The following ALPK1 variants were observed in gnomAD, a reference collection of about 807,000 sequenced individuals.
The protein encoded by ALPK1 is alpha-protein kinase 1.
A neutral mutation model predicts 120.6 loss-of-function variants in ALPK1; 110 were observed. That is an observed-to-expected ratio of 0.91 (90% confidence interval 0.78 to 1.07). The LOEUF is 1.07. ALPK1 is among the 50% of genes least tolerant of loss of function. ALPK1 has a pLI of 0.00. For synonymous variants in ALPK1, 582 were observed against 560.3 expected, an observed-to-expected ratio of 1.04 and a Z score of -0.55; for missense variants, 1,498 against 1,483.9, an observed-to-expected ratio of 1.01 and a Z score of -0.16.
intron 3 of ALPK1, 111 bp downstream of exon 3, chr4:112,378,009 A>G: frequency 8.1e-7 from 1 of 1,239,320 alleles, no homozygotes; most frequent in African/African-American, 1.5e-5. Flanking sequence ...TTGGCAGATG[A>G]CCACCGAGAG....
intron 1 of ALPK1, among the ~76,000 whole-genome samples, chr4:112,311,807 G>A (rs572562013): frequency 3.3e-5 from 5 of 152,306 alleles, no homozygotes; most frequent in Admixed American, 3.3e-4. Flanking sequence ...CTTGGCTATC[G>A]GGGTTAGTTG....
chr4:112,358,333 C>G (rs1730743803), intron 2 of ALPK1: 3 of 597,074 alleles, frequency 5.0e-6, no homozygotes, highest in Non-Finnish European at 9.2e-6. Flanking sequence ...CCCAGTTCTT[C>G]CGTGTTGCTG....
intron 3 of ALPK1, among the ~76,000 whole-genome samples, chr4:112,379,236 C>A (rs77574288): frequency 0.04 from 6,095 of 152,240 alleles, 302 homozygotes; most frequent in African/African-American, 0.12. Flanking sequence ...TTTTTCTTCA[C>A]GAGTGCCACA....
intron 2 of ALPK1, among the ~76,000 whole-genome samples, chr4:112,317,089 T>C (rs1033847248): frequency 6.6e-6 from 1 of 152,196 alleles, no homozygotes; most frequent in Admixed American, 6.5e-5. Flanking sequence ...TTGGGTTGTT[T>C]GATTTTTTTG....
intron 5 of ALPK1, chr4:112,414,243 C>T (rs150622056): frequency 4.9e-5 from 24 of 485,368 alleles, no homozygotes; most frequent in African/African-American, 2.3e-4. Flanking sequence ...TCTGATCCAG[C>T]GCTTCCTGGT....
intron 5 of ALPK1, chr4:112,414,363 T>C: frequency 6.5e-6 from 3 of 460,814 alleles, no homozygotes; most frequent in South Asian, 1.5e-5. Flanking sequence ...TCCCAGCACT[T>C]TGGGAGGCCG....
intron 4 of ALPK1, chr4:112,382,892 C>G (rs1468058316): frequency 3.8e-6 from 1 of 264,750 alleles, no homozygotes; most frequent in African/African-American, 2.2e-5. Flanking sequence ...ATGCTACTTT[C>G]TAAAAGTTAG....
At chr4:112,384,343 G>T (rs145178588) in intron 4 of ALPK1, 29 of 152,348 alleles carry the variant, frequency 1.9e-4, no homozygotes, top group African/African-American at 7.0e-4. Flanking sequence ...ATTGATGATG[G>T]AAATGTTCTA....
intron 2 of ALPK1, chr4:112,358,109 G>A: frequency 1.7e-6 from 1 of 592,034 alleles, no homozygotes. Flanking sequence ...CGAGATGAAG[G>A]GCCAGGTTGG....
At chr4:112,352,578 T>C (rs1011151658) in intron 2 of ALPK1, 18 of 152,244 alleles carry the variant, frequency 1.2e-4, no homozygotes, top group Admixed American at 1.1e-3. Context: ...TAATACAATG[T>C]AAATGCTATG....
At chr4:112,358,054 C>G in intron 2 of ALPK1, 1 of 586,920 alleles carries the variant, frequency 1.7e-6, no homozygotes, top group Non-Finnish European at 3.2e-6. Context: ...TCATCACGGG[C>G]CTCCATAGCC....
rs1324965779 is a variant in ALPK1 at position 112,423,981 on chromosome 4, A to AAATT, written c.514_515insATTA (p.Ile172AsnfsTer16). The AAATT allele has an allele frequency of 6.2e-7, 1 of 1,613,978 alleles. No individual in the cohort carries two copies. Among genetic ancestry groups the AAATT allele is most frequent in the Admixed American group, 1.7e-5 (1 of 60,018 alleles). ...AAGCAGAGTATATTCTGAGCAGTCTAATAAGCAACAATGGAGCAACGGGTG... is the reference window on the plus strand; with the variant it reads ...AAGCAGAGTATATTCTGAGCAGTCTAAATTATAAGCAACAATGGAGCAACGGGTG... On this transcript the variant is annotated frameshift_variant, in exon 6 of 16. Coordinates refer to ENST00000650871, the MANE Select transcript of ALPK1 (RefSeq NM_025144.4). LOFTEE classifies it high-confidence loss of function.
chr4:112,382,710 G>A, intron 4 of ALPK1, 158 bp downstream of exon 4: 12 of 1,033,844 alleles, frequency 1.2e-5, no homozygotes, highest in Non-Finnish European at 1.7e-5. Flanking sequence ...ATAGCTGTTT[G>A]AAAAACATTA....
chr4:112,391,480 C>T (rs549364127), intron 4 of ALPK1, among the ~76,000 whole-genome samples: 124 of 152,274 alleles, frequency 8.1e-4, no homozygotes, highest in African/African-American at 2.6e-3. Context: ...TCTTATCCCT[C>T]GGTACCTCAG....
intron 2 of ALPK1, among the ~76,000 whole-genome samples, chr4:112,346,883 G>T (rs1490001633): frequency 2.0e-5 from 3 of 152,196 alleles, no homozygotes; most frequent in Non-Finnish European, 1.5e-5. Context: ...AGTCCACTGT[G>T]CTCATAAATA....
chr4:112,386,354 T>A (rs771439761), intron 4 of ALPK1, among the ~76,000 whole-genome samples: 4 of 152,212 alleles, frequency 2.6e-5, no homozygotes, highest in African/African-American at 4.8e-5. Flanking sequence ...AAAAAACACC[T>A]GCAGTACGCT....
chr4:112,427,370 TGTATTTTTAAAAATA>T (rs987971484), intron 8 of ALPK1, among the ~76,000 whole-genome samples, 185 bp from the exon 9 acceptor site: 15 of 29,760 alleles, frequency 5.0e-4, no homozygotes, highest in Middle Eastern at 0.012. Flanking sequence ...ATATAAAACA[TGTATTTTTAAAAATA>T]GTATTTTTAA....
chr4:112,409,560 T>C (rs1425311075), intron 4 of ALPK1, among the ~76,000 whole-genome samples: 3 of 151,624 alleles, frequency 2.0e-5, no homozygotes, highest in Non-Finnish European at 4.4e-5. Context: ...GTCACAGGAA[T>C]TACAGGGTCA....
At position 112,423,594 on chromosome 4, in the gene ALPK1, C is replaced by A. The variant is rs528815552; in HGVS notation, c.476-350C>A. 3 of 406,090 alleles carry A rather than the reference C, an allele frequency of 7.4e-6. No individual in the cohort carries two copies. In the East Asian group the frequency reaches 1.9e-4, roughly 26 times the overall value. 25.2% of individuals were successfully genotyped at this position (406,090 alleles called of 1,614,324 possible). On this transcript the variant is annotated intron_variant, in intron 5 of 15. Coordinates refer to ENST00000650871, the MANE Select transcript of ALPK1 (RefSeq NM_025144.4). ...AACTAGTTCCTGTCCACGGGCAACT[C>A]TATTCCACTTCCTGAAGTATAGTTT...
Sources: allele counts gnomAD v4.1 joint callset (sites outside exome capture counted in the v4.1 genomes callset), GRCh38; gene constraint gnomAD v4.1.1; transcripts MANE v1.5; gene names NCBI Gene and HGNC (gene_info 2026-07-23, HGNC 2026-07-21).